Variants in PHF24 observed in about 807,000 individuals in gnomAD.
PHF24 encodes PHD finger protein 24.
PHF24 carries 25 observed loss-of-function variants against 42.6 expected under a neutral mutation model. The ratio of observed to expected loss-of-function variants is 0.59; its 90% CI spans 0.43 to 0.82. The LOEUF is 0.82. Ranked by LOEUF, PHF24 falls within the 40% of genes least tolerant of loss-of-function variation. The probability of loss-of-function intolerance (pLI) is 0.00; values close to 1 mark genes in which losing one functional copy is unlikely to be tolerated. For synonymous variants in PHF24, 185 were observed against 204.8 expected, an observed-to-expected ratio of 0.90 and a Z score of 0.83; for missense variants, 470 against 538.1, an observed-to-expected ratio of 0.87 and a Z score of 1.25.
the PHF24 span, among the ~76,000 whole-genome samples, chr9:34,822,915 G>T: frequency 6.6e-6 from 1 of 152,120 alleles, no homozygotes. Flanking sequence ...AAGATTGTCC[G>T]GCCGGGCGCG....
chr9:34,801,137 C>G, the PHF24 span, among the ~76,000 whole-genome samples: 47,189 of 151,968 alleles, frequency 0.31, 7,876 homozygotes, highest in East Asian at 0.56. Context: ...AGTTAGAACG[C>G]CGATCATTAA....
chr9:34,972,589 T>C, intron 3 of PHF24, 58 bp downstream of exon 3: 1 of 1,483,008 alleles, frequency 6.7e-7, no homozygotes, highest in South Asian at 1.3e-5. Context: ...AGGCCCGGTC[T>C]TAGAACACTT....
chr9:34,833,743 T>G, the PHF24 span: 1 of 1,543,720 alleles, frequency 6.5e-7, no homozygotes, highest in East Asian at 2.4e-5. Context: ...GGAACTCTTT[T>G]GCAACGTCTG....
chr9:34,788,414 G>A, the PHF24 span, among the ~76,000 whole-genome samples: 1 of 152,160 alleles, frequency 6.6e-6, no homozygotes, highest in East Asian at 1.9e-4. Context: ...GCCTGGAGAA[G>A]TATAGAGACC....
At chr9:34,877,441 T>A in the PHF24 span, among the ~76,000 whole-genome samples, 1 of 151,996 alleles carries the variant, frequency 6.6e-6, no homozygotes, top group African/African-American at 2.4e-5. Flanking sequence ...AGACAGAAAG[T>A]GGAATTGAGG....
At chr9:34,879,125 A>G in the PHF24 span, among the ~76,000 whole-genome samples, 6 of 152,326 alleles carry the variant, frequency 3.9e-5, no homozygotes, top group South Asian at 4.1e-4. Context: ...GCAAACTCCA[A>G]CAGACCTGCA....
the PHF24 span, among the ~76,000 whole-genome samples, chr9:34,848,784 G>C: frequency 5.9e-5 from 9 of 151,962 alleles, no homozygotes; most frequent in African/African-American, 1.9e-4. Flanking sequence ...GTGTCCCAGA[G>C]ATTCTGGTAT....
chr9:34,945,639 G>A, the PHF24 span, among the ~76,000 whole-genome samples: 13 of 152,042 alleles, frequency 8.6e-5, no homozygotes, highest in Admixed American at 7.2e-4. Context: ...CATAGGAGTG[G>A]GTTCTTGATA....
At chr9:34,835,930 A>T in the PHF24 span, 1 of 767,950 alleles carries the variant, frequency 1.3e-6, no homozygotes, top group Non-Finnish European at 2.3e-6. Context: ...AGTTGGGGAG[A>T]TCTAGTCATT....
the PHF24 span, among the ~76,000 whole-genome samples, chr9:34,920,030 C>T: frequency 6.6e-6 from 1 of 152,104 alleles, no homozygotes; most frequent in African/African-American, 2.4e-5. Context: ...GCAGATATCT[C>T]TTTGATGATA....
At chr9:34,928,301 A>AAAG in the PHF24 span, among the ~76,000 whole-genome samples, 1 of 152,160 alleles carries the variant, frequency 6.6e-6, no homozygotes, top group African/African-American at 2.4e-5. Context: ...AAAATAACTA[A>AAAG]AAGAGTATAA....
the PHF24 span, among the ~76,000 whole-genome samples, chr9:34,884,391 T>A: frequency 6.6e-6 from 1 of 152,214 alleles, no homozygotes; most frequent in Non-Finnish European, 1.5e-5. Context: ...AATAATTTTT[T>A]AAAAATAAGA....
chr9:34,723,172 A>G, the PHF24 span: 5 of 1,489,558 alleles, frequency 3.4e-6, no homozygotes, highest in Non-Finnish European at 3.6e-6. Flanking sequence ...ACTCTTTTTC[A>G]TGGCTCTGCA....
At chr9:34,977,494 G>A in intron 6 of PHF24, 52 bp from the exon 7 acceptor site, 1 of 1,530,294 alleles carries the variant, frequency 6.5e-7, no homozygotes, top group Non-Finnish European at 8.9e-7. Flanking sequence ...GTTTGGGAGG[G>A]GGCAGGCATT....
chr9:34,749,935 T>C, the PHF24 span, among the ~76,000 whole-genome samples: 1 of 152,034 alleles, frequency 6.6e-6, no homozygotes, highest in African/African-American at 2.4e-5. Flanking sequence ...TATGACATAT[T>C]TGAAGTGCTG....
chr9:34,950,303 G>A, the PHF24 span, among the ~76,000 whole-genome samples: 3 of 146,350 alleles, frequency 2.0e-5, no homozygotes, highest in African/African-American at 2.5e-5. Flanking sequence ...AGCAGAGATT[G>A]TGCCACTGCA....
At chr9:34,758,175 T>A in the PHF24 span, among the ~76,000 whole-genome samples, 1 of 152,088 alleles carries the variant, frequency 6.6e-6, no homozygotes, top group Admixed American at 6.5e-5. The surrounding 1 kb of genome is among the most constrained non-coding windows in gnomAD (Gnocchi z 4.4). Flanking sequence ...CCTGGGTGCA[T>A]CTTTGCCAAG....
the PHF24 span, among the ~76,000 whole-genome samples, chr9:34,774,309 A>G: frequency 1.3e-5 from 2 of 152,216 alleles, no homozygotes; most frequent in African/African-American, 4.8e-5. Context: ...TGAAAAGTCA[A>G]CCCACAGAAT....
At chr9:34,683,297 G>A in the PHF24 span, among the ~76,000 whole-genome samples, 1 of 152,236 alleles carries the variant, frequency 6.6e-6, no homozygotes, top group South Asian at 2.1e-4. Flanking sequence ...CTGACCTCAG[G>A]TGATCCACCC....
Sources: gnomAD v4.1 joint callset for allele counts (sites outside exome capture counted in the v4.1 genomes callset) on GRCh38, gnomAD v4.1.1 for gene constraint, Gnocchi (gnomAD v3.1) non-coding constraint, MANE v1.5 for transcripts, NCBI Gene and HGNC (gene_info 2026-07-23, HGNC 2026-07-21) for gene names.